ASMTL: variants seen among roughly 807,000 people sequenced by gnomAD.
The protein encoded by ASMTL is probable bifunctional dTTP/UTP pyrophosphatase/methyltransferase protein.
Under a neutral mutation model 60.3 loss-of-function variants are expected in ASMTL, and 57 were observed. That is an observed-to-expected ratio of 0.95 (90% CI 0.76 to 1.18). The LOEUF (loss-of-function observed/expected upper bound fraction) is 1.18, where lower values mean the gene tolerates loss of function less well. Among genes scored for constraint, ASMTL ranks in the 50% most tolerant of loss-of-function variants. ASMTL has a pLI of 0.00. For synonymous variants in ASMTL, 419 were observed against 373.0 expected, an observed-to-expected ratio of 1.12 and a Z score of -1.42; for missense variants, 981 against 852.6, an observed-to-expected ratio of 1.15 and a Z score of -1.88.
intron 6 of ASMTL, 182 bp downstream of exon 6, chrX:1,432,087 C>G: frequency 3.3e-6 from 2 of 610,936 alleles, no homozygotes; most frequent in Non-Finnish European, 2.9e-6. Context: ...CCTCTTTGAG[C>G]CTCCATGGGT....
chrX:1,427,902 C>T lies in ASMTL; in HGVS notation c.729G>A (p.Gly243=), dbSNP rs370845186. ...DTFEDLSDVE[G]GGSEPTQRDA... is the part of the protein sequence containing the mutation. The stretch of plus-strand genomic sequence containing the variant: ...CCCTCTGAGTGGGCTCCGAGCCGCC[C>T]CCCTCCACGTCACTGAGGTCTTCGA... Residue 243 remains glycine, a synonymous_variant, in exon 7 of 13, where the codon GGG becomes GGA. Transcript: ENST00000381317. 6.2e-7 allele frequency: 1 copy of T among 1,613,210 alleles called. No homozygotes were observed. The highest frequency in any genetic ancestry group is 8.5e-7 in the Non-Finnish European group (1 of 1,179,764).
intron 6 of ASMTL, among the ~76,000 whole-genome samples, chrX:1,429,430 T>C (rs1252485400): frequency 6.6e-6 from 1 of 151,936 alleles, no homozygotes; most frequent in Non-Finnish European, 1.5e-5. Context: ...ACTCCTGGGA[T>C]GAAGTGATCC....
chrX:1,416,083 ACT>A lies in ASMTL; in HGVS notation c.1522+1888_1522+1889del, dbSNP rs199533939. Among the ~76,000 whole-genome samples, 956 of 151,276 alleles carry A rather than the reference ACT, an allele frequency of 6.3e-3. 9 individuals carry two copies. Among genetic ancestry groups the A allele is most frequent in the African/African-American group, 0.022 (904 of 41,086 alleles). On this transcript the variant is annotated intron_variant, in intron 11 of 12. Transcript: ENST00000381317. ...GAGACAGACATGCACAGATGGGCAC[ACT>A]CACGCACGGACACACAGTGATACAC...
At chrX:1,436,080 G>A (rs1331356706) in intron 3 of ASMTL, among the ~76,000 whole-genome samples, 2 of 152,154 alleles carry the variant, frequency 1.3e-5, no homozygotes, top group Non-Finnish European at 2.9e-5. Context: ...GTGTAGTCAT[G>A]GAATCCTGCA....
chrX:1,442,250 G>T lies in ASMTL; in HGVS notation c.161C>A (p.Pro54Gln). Residue 54 changes from proline (P) to glutamine (Q), a missense_variant, in exon 2 of 13, where the codon CCG (proline) becomes CAG (glutamine). By Grantham distance (76) the Pro-to-Gln change is moderately conservative. Coordinates refer to ENST00000381317, the MANE Select transcript of ASMTL (RefSeq NM_004192.4). ...GGCGGTCTCCATGGCGTACCCATAC[G>T]GAGTAGCGAAGGAGGCTTTGTCCAG... ...EKLDKASFAT[P>Q]YGYAMETAKQ... 22 of 1,613,910 alleles carry T rather than the reference G, an allele frequency of 1.4e-5. No homozygotes were observed. Among genetic ancestry groups the T allele is most frequent in the Non-Finnish European group, 1.9e-5 (22 of 1,179,862 alleles).
intron 5 of ASMTL, among the ~76,000 whole-genome samples, chrX:1,433,436 C>G (rs1326925431): frequency 1.4e-5 from 2 of 138,664 alleles, no homozygotes; most frequent in South Asian, 2.4e-4. Context: ...GAGGCCGAGG[C>G]GGGCGGATCA....
upstream of ASMTL, chrX:1,452,919 C>G: frequency 8.5e-7 from 1 of 1,182,114 alleles, no homozygotes; most frequent in South Asian, 1.6e-5. Context: ...GCAAAAAAAA[C>G]AGGCGGCCAG....
chrX:1,443,871 C>A (rs1216706593), intron 1 of ASMTL, among the ~76,000 whole-genome samples: 1 of 152,066 alleles, frequency 6.6e-6, no homozygotes, highest in African/African-American at 2.4e-5. Context: ...CGTGGACAGA[C>A]ACCGCCGTCG....
chrX:1,443,545 A>T (rs1405423831), intron 1 of ASMTL, among the ~76,000 whole-genome samples: 1 of 150,124 alleles, frequency 6.7e-6, no homozygotes, highest in Non-Finnish European at 1.5e-5. Context: ...TCTTGGACAG[A>T]CACCTCCATC....
At chrX:1,443,253 ACGC>A (rs780858862) in intron 1 of ASMTL, among the ~76,000 whole-genome samples, 7,166 of 117,312 alleles carry the variant, frequency 0.061, 2,269 homozygotes, top group African/African-American at 0.21. Flanking sequence ...TCGTGGACAC[ACGC>A]CGCCGTCTTG....
intron 6 of ASMTL, 57 bp downstream of exon 6, chrX:1,432,212 G>T (rs1292352995): frequency 4.3e-6 from 6 of 1,405,166 alleles, no homozygotes; most frequent in Non-Finnish European, 6.0e-6. Context: ...CCCCACGTGT[G>T]AGGGTGGCCA....
In ASMTL at chrX:1,442,177, G is replaced by T; in HGVS notation, c.225+9C>A. ...TTTTCATAAGGGCCGAAGGGCAGGG[G>T]CCCCTTGCCTGGTACAGCCGGTTGG... On this transcript the variant is annotated intron_variant, in intron 2 of 12. Coordinates refer to ENST00000381317, the MANE Select transcript of ASMTL (RefSeq NM_004192.4). 6.2e-7 allele frequency: 1 copy of T among 1,613,198 alleles called. No homozygotes were observed. Among genetic ancestry groups the T allele is most frequent in the South Asian group, 1.1e-5 (1 of 91,012 alleles).
intron 1 of ASMTL, among the ~76,000 whole-genome samples, chrX:1,449,935 C>CA (rs2091320545): frequency 1.3e-5 from 2 of 150,798 alleles, no homozygotes; most frequent in South Asian, 2.1e-4. Context: ...TAACTAACCC[C>CA]CACCACCAGT....
chrX:1,449,653 C>G (rs1293844409), intron 1 of ASMTL, among the ~76,000 whole-genome samples: 3 of 96,688 alleles, frequency 3.1e-5, no homozygotes, highest in Non-Finnish European at 7.1e-5. Flanking sequence ...CCAGTAACTA[C>G]CCCCCATCAC....
At chrX:1,444,311 C>T (rs755481999) in intron 1 of ASMTL, among the ~76,000 whole-genome samples, 9 of 151,504 alleles carry the variant, frequency 5.9e-5, no homozygotes, top group South Asian at 4.2e-4. Context: ...CAGGATCAAG[C>T]GATTCTCCTG....
intron 1 of ASMTL, among the ~76,000 whole-genome samples, chrX:1,445,614 C>T (rs1254777440): frequency 2.0e-5 from 3 of 151,992 alleles, no homozygotes; most frequent in South Asian, 2.1e-4. Flanking sequence ...TCATTGTGGG[C>T]GGCAAGACAC....
Position 1,417,980 on chromosome X carries a change from G to T in ASMTL, c.1515C>A (p.Phe505Leu), listed in dbSNP as rs1249455425. Reference sequence around the variant, plus strand: ...AACAGGAGGAGGGCTCACCTGCTGCGAAGTGGATCTGCACTGCCTGCGGTC... The same window carrying T: ...AACAGGAGGAGGGCTCACCTGCTGCTAAGTGGATCTGCACTGCCTGCGGTC... ...PPGPQAVQIH[F>L]AAGDFFRDPL... is the part of the protein sequence containing the mutation. The change falls in exon 11 of 13, where the codon TTC becomes TTA. Residue 505 changes from phenylalanine (F) to leucine (L), a missense_variant. By Grantham distance (22) the Phe-to-Leu change is conservative. Coordinates refer to ENST00000381317, the MANE Select transcript of ASMTL (RefSeq NM_004192.4). 4 of 1,609,330 alleles carry T rather than the reference G, an allele frequency of 2.5e-6. No individual in the cohort carries two copies. The highest frequency in any genetic ancestry group is 3.4e-6 in the Non-Finnish European group (4 of 1,176,990).
rs191386161 is a variant in ASMTL at position 1,415,306 on chromosome X, C to T, written c.1523-2452G>A. 6.4e-4 allele frequency among the ~76,000 whole-genome samples: 98 copies of T among 152,184 alleles called. 1 individual carries two copies. Among genetic ancestry groups the T allele is most frequent in the African/African-American group, 2.3e-3 (96 of 41,518 alleles). On this transcript the variant is annotated intron_variant, in intron 11 of 12. Coordinates refer to ENST00000381317, the MANE Select transcript of ASMTL (RefSeq NM_004192.4). ...AACCTAAGGCCACACTGTGACGGCT[C>T]TCGGGTCAGTTCCTTCCGTGACCTC...
intron 11 of ASMTL, among the ~76,000 whole-genome samples, chrX:1,416,510 G>A (rs1213546825): frequency 6.7e-6 from 1 of 148,962 alleles, no homozygotes; most frequent in Non-Finnish European, 1.5e-5. Flanking sequence ...CACACACACG[G>A]ATGCAGACAT....
Sources: gnomAD v4.1 joint callset for allele counts (sites outside exome capture counted in the v4.1 genomes callset) on GRCh38, gnomAD v4.1.1 for gene constraint, MANE v1.5 for transcripts, NCBI Gene and HGNC (gene_info 2026-07-23, HGNC 2026-07-21) for gene names.